Variants in MEGF11 observed in about 807,000 individuals in gnomAD.
The protein encoded by MEGF11 is multiple epidermal growth factor-like domains protein 11.
A neutral mutation model predicts 146.6 loss-of-function variants in MEGF11; 126 were observed. The observed-to-expected ratio is 0.86, with a 90% CI of 0.74 to 1.00. The LOEUF is 1.00. Ranked by LOEUF, MEGF11 falls within the 50% of genes least tolerant of loss-of-function variation. MEGF11 has a pLI of 0.00. For missense variants in MEGF11, 1,509 were observed against 1,521.2 expected, an observed-to-expected ratio of 0.99 and a Z score of 0.13; for synonymous variants, 532 against 583.4, an observed-to-expected ratio of 0.91 and a Z score of 1.27.
intron 23 of MEGF11, 70 bp from the exon 24 acceptor site, chr15:65,906,211 T>A (rs2078622818): frequency 2.5e-6 from 3 of 1,181,402 alleles, no homozygotes; most frequent in East Asian, 5.0e-5. Flanking sequence ...TGTGTTCTTC[T>A]TTCTTTTCTT....
At chr15:66,179,238 G>T (rs1422717986) in intron 1 of MEGF11, among the ~76,000 whole-genome samples, 1 of 152,152 alleles carries the variant, frequency 6.6e-6, no homozygotes, top group African/African-American at 2.4e-5. Flanking sequence ...GTTCTAGAGA[G>T]TCTCCCTTCT....
At chr15:65,974,866 A>G (rs1238943205) in intron 7 of MEGF11, among the ~76,000 whole-genome samples, 1 of 149,954 alleles carries the variant, frequency 6.7e-6, no homozygotes, top group Non-Finnish European at 1.5e-5. Context: ...TTTTTTTGAG[A>G]TGGAGTTTCG....
chr15:66,142,718 G>T lies in MEGF11; in HGVS notation c.-8-14307C>A, dbSNP rs529487568. Among the ~76,000 whole-genome samples, 5 of 152,336 alleles carry T rather than the reference G, an allele frequency of 3.3e-5. No individual in the cohort carries two copies. The East Asian group carries it at 9.6e-4, about 29-fold the overall frequency. ...CGGGGACAAAAAAGCACAGAAGTGG[G>T]TCTCTTGCCCCAGGTGTGCCAGTAA... On this transcript the variant is annotated intron_variant, in intron 1 of 25. Transcript: ENST00000395614.
chr15:66,141,579 C>A (rs562084388), intron 1 of MEGF11, among the ~76,000 whole-genome samples: 4 of 152,092 alleles, frequency 2.6e-5, no homozygotes, highest in Admixed American at 2.6e-4. Flanking sequence ...GGACAATTTT[C>A]TCAGTTCTCC....
At chr15:66,241,993 C>T (rs1597171601) in intron 1 of MEGF11, among the ~76,000 whole-genome samples, 1 of 152,204 alleles carries the variant, frequency 6.6e-6, no homozygotes, top group African/African-American at 2.4e-5. Context: ...ATACTGACAA[C>T]TGCAGCCAGT....
At chr15:65,939,586 C>T (rs1486593167) in intron 10 of MEGF11, among the ~76,000 whole-genome samples, 1 of 151,954 alleles carries the variant, frequency 6.6e-6, no homozygotes, top group Non-Finnish European at 1.5e-5. Flanking sequence ...CCTCCACCTC[C>T]CGGGTTCAAG....
At chr15:66,206,728 G>A (rs1362684552) in intron 1 of MEGF11, among the ~76,000 whole-genome samples, 5 of 151,826 alleles carry the variant, frequency 3.3e-5, no homozygotes, top group Admixed American at 6.6e-5. Flanking sequence ...GTGAAACCCC[G>A]TCTCTACTAA....
intron 1 of MEGF11, among the ~76,000 whole-genome samples, chr15:66,210,757 G>T (rs567095710): frequency 3.0e-4 from 46 of 152,302 alleles, no homozygotes; most frequent in African/African-American, 1.1e-3. Flanking sequence ...AATTCTTACC[G>T]CAGTATGTCC....
intron 10 of MEGF11, among the ~76,000 whole-genome samples, chr15:65,948,061 C>A (rs1042005550): frequency 5.9e-5 from 9 of 152,026 alleles, no homozygotes; most frequent in Non-Finnish European, 1.0e-4. Context: ...CTACTTTGCT[C>A]TGTGAATTAA....
chr15:65,942,509 G>A (rs1350931385), intron 10 of MEGF11, among the ~76,000 whole-genome samples: 2 of 151,508 alleles, frequency 1.3e-5, no homozygotes, highest in African/African-American at 4.8e-5. Flanking sequence ...TTGAATGAGA[G>A]AAAGCTGGTT....
intron 7 of MEGF11, among the ~76,000 whole-genome samples, chr15:65,971,929 T>C (rs559444658): frequency 2.0e-5 from 3 of 152,222 alleles, no homozygotes; most frequent in Admixed American, 2.0e-4. Context: ...ATAATTAAAA[T>C]GAACATGCTC....
chr15:66,042,487 G>C (rs1262235209), intron 5 of MEGF11, among the ~76,000 whole-genome samples: 1 of 152,148 alleles, frequency 6.6e-6, no homozygotes, highest in Non-Finnish European at 1.5e-5. Context: ...TAAACTTCTG[G>C]GGAACAGATA....
chr15:66,018,706 T>G (rs1472191344), intron 5 of MEGF11, among the ~76,000 whole-genome samples: 1 of 146,090 alleles, frequency 6.8e-6, no homozygotes, highest in East Asian at 2.0e-4. Flanking sequence ...TGCATGAGAC[T>G]CTGTGTGAGT....
chr15:65,935,322 G>GAAAAA lies in MEGF11; in HGVS notation c.1288-4384_1288-4380dup, dbSNP rs71139449. 4.3e-3 allele frequency among the ~76,000 whole-genome samples: 152 copies of GAAAAA among 35,204 alleles called. 41 individuals carry two copies. The highest frequency in any genetic ancestry group is 5.5e-3 in the Non-Finnish European group (116 of 21,002). 23.1% of individuals were successfully genotyped at this position (35,204 alleles called of 152,430 possible). On this transcript the variant is annotated intron_variant, in intron 10 of 25. Transcript: ENST00000395614. ...GTGACAGAGCGAGACTCCGTCTCAAGAAAAAAAAAAAAAAAAAAAAAAAAA... is the reference window on the plus strand; with the variant it reads ...GTGACAGAGCGAGACTCCGTCTCAAGAAAAAAAAAAAAAAAAAAAAAAAAAAAAAA...
Position 65,897,965 on chromosome 15 carries a change from G to T in MEGF11, c.3392C>A (p.Ala1131Asp). The change falls in exon 26 of 26, where the codon GCC (alanine) becomes GAC (aspartate). Residue 1131 changes from alanine to aspartate, a missense_variant. Transcript: ENST00000395614. The stretch of plus-strand genomic sequence containing the variant: ...TTGCTTGTCCTGGGACGGCCCATTG[G>T]CAGGGCTCTGTCTTACTGGGAGGAG... ...YDLLPVRQSP[A>D]NGPSQDKQS is the part of the protein sequence containing the mutation. The T allele has an allele frequency of 6.2e-7, 1 of 1,613,970 alleles. No individual in the cohort carries two copies. The highest frequency in any genetic ancestry group is 1.1e-5 in the South Asian group (1 of 91,084).
intron 1 of MEGF11, among the ~76,000 whole-genome samples, chr15:66,212,989 A>T (rs1223054469): frequency 6.6e-6 from 1 of 152,204 alleles, no homozygotes; most frequent in African/African-American, 2.4e-5. Flanking sequence ...AGTCCTGTAG[A>T]TCTGCGAGGG....
intron 8 of MEGF11, among the ~76,000 whole-genome samples, chr15:65,967,636 G>C (rs574490996): frequency 6.6e-6 from 1 of 152,260 alleles, no homozygotes; most frequent in Admixed American, 6.5e-5. Flanking sequence ...AGCAGCCAGT[G>C]TGTGGGGCAC....
chr15:66,109,429 A>G (rs1300352047), intron 4 of MEGF11, among the ~76,000 whole-genome samples: 1 of 152,210 alleles, frequency 6.6e-6, no homozygotes, highest in African/African-American at 2.4e-5. Flanking sequence ...TCACAAAAGT[A>G]AACCAAGAAC....
Position 65,916,158 on chromosome 15 carries a change from G to T in MEGF11, c.2334C>A (p.His778Gln). The change falls in exon 18 of 26, where the codon CAC (histidine) becomes CAA (glutamine). Residue 778 changes from histidine to glutamine, a missense_variant. By Grantham distance (24) the His-to-Gln change is conservative. Coordinates refer to ENST00000395614, the MANE Select transcript of MEGF11 (RefSeq NM_001385028.1). Reference sequence around the variant, plus strand: ...GTCAGGGCAGCTTACTCTGCTCACAGTGTTGCCCGGTGAAGCCTGTGCGGC... The same window carrying T: ...GTCAGGGCAGCTTACTCTGCTCACATTGTTGCCCGGTGAAGCCTGTGCGGC... Reference protein sequence around the residue: ...CTCRTGFTGQHCEQRCAPGTF... With the variant: ...CTCRTGFTGQQCEQRCAPGTF... 4 of 1,589,872 alleles carry T rather than the reference G, an allele frequency of 2.5e-6. No homozygotes were observed. Among genetic ancestry groups the T allele is most frequent in the Non-Finnish European group, 3.4e-6 (4 of 1,167,736 alleles).
Sources: allele counts gnomAD v4.1 joint callset (sites outside exome capture counted in the v4.1 genomes callset), GRCh38; gene constraint gnomAD v4.1.1; transcripts MANE v1.5; gene names NCBI Gene and HGNC (gene_info 2026-07-23, HGNC 2026-07-21).